CFAP77: variants seen among roughly 807,000 people sequenced by gnomAD.
CFAP77 encodes cilia- and flagella-associated protein 77.
CFAP77 carries 25 observed loss-of-function variants against 31.1 expected under a neutral mutation model. The observed-to-expected ratio is 0.80, with a 90% CI of 0.59 to 1.12. The LOEUF (loss-of-function observed/expected upper bound fraction) is 1.12. CFAP77 is among the 50% of genes most tolerant of loss of function. The pLI, the probability that CFAP77 is intolerant of heterozygous loss-of-function variation, is 0.00. For missense variants in CFAP77, 377 were observed against 397.3 expected, an observed-to-expected ratio of 0.95 and a Z score of 0.44; for synonymous variants, 151 against 159.9, an observed-to-expected ratio of 0.94 and a Z score of 0.42.
intron 1 of CFAP77, among the ~76,000 whole-genome samples, chr9:132,421,956 ATGTG>A (rs1244244499): frequency 6.6e-6 from 1 of 151,616 alleles, no homozygotes; most frequent in Non-Finnish European, 1.5e-5. Context: ...AGGAGCTGTT[ATGTG>A]TGCTGGGCCT....
At chr9:132,482,539 C>A in intron 1 of CFAP77, 1 of 711,620 alleles carries the variant, frequency 1.4e-6, no homozygotes, top group South Asian at 1.6e-5. Flanking sequence ...TCCATGGTCT[C>A]GTCTAAATGT....
At chr9:132,444,734 T>TA (rs1451808397) in intron 1 of CFAP77, among the ~76,000 whole-genome samples, 1 of 152,074 alleles carries the variant, frequency 6.6e-6, no homozygotes, top group African/African-American at 2.4e-5. Flanking sequence ...TAAAATTTTT[T>TA]AAAAAAAATT....
chr9:132,422,383 G>A (rs894856396), intron 1 of CFAP77, among the ~76,000 whole-genome samples: 3 of 152,154 alleles, frequency 2.0e-5, no homozygotes, highest in East Asian at 1.9e-4. Context: ...TACACATTGC[G>A]GAGGAGTGCA....
At position 132,455,016 on chromosome 9, in the gene CFAP77, AAAAG is replaced by A. The variant is rs753062317; in HGVS notation, c.196-43671_196-43668del. Among the ~76,000 whole-genome samples, 4 of 152,236 alleles carry A rather than the reference AAAAG, an allele frequency of 2.6e-5. No individual in the cohort carries two copies. The highest frequency in any genetic ancestry group is 5.9e-5 in the Non-Finnish European group (4 of 68,040). ...AAAATGTCATAACATCCTACAAAAA[AAAAG>A]AAAGAAAAGGCAATAAATTAGCCTG... is the stretch of plus-strand genomic sequence containing the variant. On this transcript the variant is annotated intron_variant, in intron 1 of 5. Coordinates refer to ENST00000393216, the MANE Select transcript of CFAP77 (RefSeq NM_001282957.2). The surrounding 1 kb of genome is among the most constrained non-coding windows in gnomAD (Gnocchi z 4.1).
intron 5 of CFAP77, among the ~76,000 whole-genome samples, chr9:132,556,710 T>A (rs1420775757): frequency 2.6e-5 from 4 of 152,210 alleles, no homozygotes; most frequent in Non-Finnish European, 5.9e-5. Context: ...TTTAATGGTC[T>A]TTTACACTGA....
Position 132,518,047 on chromosome 9 carries a change from A to G in CFAP77, c.524+18447A>G, listed in dbSNP as rs532577788. Among the ~76,000 whole-genome samples, 3 of 152,202 alleles carry G rather than the reference A, an allele frequency of 2.0e-5. No individual in the cohort carries two copies. In the South Asian group the frequency reaches 6.2e-4, roughly 32 times the overall value. ...GAAACTTTTCTGGGGGGTTCCTGCC[A>G]GGTTATCAGCAAATAATTTGTCGAA... On this transcript the variant is annotated intron_variant, in intron 3 of 5. Coordinates refer to ENST00000393216, the MANE Select transcript of CFAP77 (RefSeq NM_001282957.2).
chr9:132,411,700 C>G (rs751830098), intron 1 of CFAP77, among the ~76,000 whole-genome samples: 21 of 152,146 alleles, frequency 1.4e-4, no homozygotes, highest in Non-Finnish European at 2.2e-4. Context: ...AGGAGAGAAT[C>G]ACGTCCGCCA....
intron 1 of CFAP77, among the ~76,000 whole-genome samples, chr9:132,445,761 C>T (rs1223730881): frequency 2.0e-5 from 3 of 150,594 alleles, no homozygotes. Flanking sequence ...CCCAGCTATT[C>T]AGGAGGCTGA....
At chr9:132,560,449 G>C (rs908219674) in intron 5 of CFAP77, among the ~76,000 whole-genome samples, 6 of 152,182 alleles carry the variant, frequency 3.9e-5, no homozygotes, top group Non-Finnish European at 2.9e-5. Context: ...CAATTATTTT[G>C]CTCCTAGCGT....
intron 1 of CFAP77, among the ~76,000 whole-genome samples, chr9:132,456,375 C>T (rs1850913419): frequency 6.6e-6 from 1 of 152,216 alleles, no homozygotes; most frequent in Non-Finnish European, 1.5e-5. Flanking sequence ...ACCCCATCTT[C>T]AGCCAGCGCT....
chr9:132,548,491 G>T (rs186461771), intron 5 of CFAP77, among the ~76,000 whole-genome samples: 1 of 152,114 alleles, frequency 6.6e-6, no homozygotes, highest in Non-Finnish European at 1.5e-5. Context: ...CTCACCAAAC[G>T]CTCGCACGCT....
intron 1 of CFAP77, among the ~76,000 whole-genome samples, chr9:132,461,087 A>G (rs2131725649): frequency 6.6e-6 from 1 of 152,336 alleles, no homozygotes; most frequent in South Asian, 2.1e-4. Context: ...AATGTAAAAA[A>G]TGTATGCTCA....
At chr9:132,510,515 A>C (rs1042979158) in intron 3 of CFAP77, among the ~76,000 whole-genome samples, 3 of 152,216 alleles carry the variant, frequency 2.0e-5, no homozygotes, top group Admixed American at 2.0e-4. Context: ...CTGGCACTGC[A>C]CGAAGAACCA....
rs970400687 is a variant in CFAP77 at position 132,481,915 on chromosome 9, C to T, written c.196-16780C>T. The stretch of plus-strand genomic sequence containing the variant: ...TACATCAAAACAAAAGTCACTGGAG[C>T]GGGCGTTTTCATCTGTTCTCAGGAA... On this transcript the variant is annotated intron_variant, in intron 1 of 5. Transcript: ENST00000393216. The surrounding 1 kb of genome is among the most constrained non-coding windows in gnomAD (Gnocchi z 5.0). Among the ~76,000 whole-genome samples, 27 of 131,416 alleles carry T rather than the reference C, an allele frequency of 2.1e-4. No individual in the cohort carries two copies. Among genetic ancestry groups the T allele is most frequent in the African/African-American group, 7.0e-4 (26 of 37,260 alleles). The allele number at this position is 131,416 out of a possible 152,430, so 86.2% of individuals were successfully genotyped here.
At position 132,499,270 on chromosome 9, in the gene CFAP77, GA is replaced by G; in HGVS notation, c.296-100del. The G allele has an allele frequency of 2.0e-6, 2 of 1,023,822 alleles. No homozygotes were observed. The highest frequency in any genetic ancestry group is 2.9e-6 in the Non-Finnish European group (2 of 692,914). 63.4% of individuals were successfully genotyped at this position (1,023,822 alleles called of 1,614,324 possible). Reference sequence around the variant, plus strand: ...TCACCCAGTAGGCTCAGGTAAATGGGAAGGCCGAGGACCCGCGTGCCCCCAT... The same window carrying G: ...TCACCCAGTAGGCTCAGGTAAATGGGAGGCCGAGGACCCGCGTGCCCCCAT... On this transcript the variant is annotated intron_variant, in intron 2 of 5. Transcript: ENST00000393216. This position sits in a 1 kb window ranked among gnomAD's most constrained non-coding sequence, Gnocchi z 5.4.
Position 132,537,707 on chromosome 9 carries a change from G to GTAAA in CFAP77, c.630+3_630+6dup. 1.2e-6 allele frequency: 2 copies of GTAAA among 1,611,486 alleles called. No homozygotes were observed. Among genetic ancestry groups the GTAAA allele is most frequent in the Non-Finnish European group, 1.7e-6 (2 of 1,177,938 alleles). ...CATCAAACTGGAGAAGAAGCAGAAG[G>GTAAA]TAAATGCAGCCCTCGCTCCCAAGTT... is the stretch of plus-strand genomic sequence containing the variant. On this transcript the variant is annotated splice_donor_variant, in intron 4 of 5. Transcript: ENST00000393216. LOFTEE classifies it high-confidence loss of function.
intron 1 of CFAP77, among the ~76,000 whole-genome samples, chr9:132,445,772 G>C (rs1323878694): frequency 1.3e-5 from 2 of 150,956 alleles, no homozygotes; most frequent in South Asian, 2.1e-4. Flanking sequence ...AGGAGGCTGA[G>C]ACAGGAGAAT....
At chr9:132,541,061 T>A (rs1852631513) in intron 4 of CFAP77, among the ~76,000 whole-genome samples, 1 of 152,278 alleles carries the variant, frequency 6.6e-6, no homozygotes, top group East Asian at 1.9e-4. Context: ...CTGGGGTTGA[T>A]AGACAATTTA....
At chr9:132,420,646 T>C (rs997392134) in intron 1 of CFAP77, among the ~76,000 whole-genome samples, 8 of 149,530 alleles carry the variant, frequency 5.4e-5, no homozygotes. Flanking sequence ...GCAGCCTGGG[T>C]GACAAGTGAG....
Sources: gnomAD v4.1 joint callset for allele counts (sites outside exome capture counted in the v4.1 genomes callset) on GRCh38, gnomAD v4.1.1 for gene constraint, Gnocchi (gnomAD v3.1) non-coding constraint, MANE v1.5 for transcripts, NCBI Gene and HGNC (gene_info 2026-07-23, HGNC 2026-07-21) for gene names.